Variants in ZNF407 observed in about 807,000 individuals in gnomAD.
The protein encoded by ZNF407 is zinc finger protein 407.
Under a neutral mutation model 131.2 loss-of-function variants are expected in ZNF407, and 17 were observed. The ratio of observed to expected loss-of-function variants is 0.13; its 90% confidence interval spans 0.09 to 0.19. The LOEUF is 0.19. Ranked by LOEUF, ZNF407 falls within the 10% of genes least tolerant of loss-of-function variation. The pLI is 1.00. For missense variants in ZNF407, 2,681 were observed against 2,830.6 expected (o/e 0.95, Z 1.20); for synonymous variants, 1,156 against 1,062.0 (o/e 1.09, Z -1.72).
chr18:74,627,723 T>G (rs866094070), intron 1 of ZNF407, among the ~76,000 whole-genome samples: 1 of 152,146 alleles, frequency 6.6e-6, no homozygotes, highest in Non-Finnish European at 1.5e-5. Context: ...GGAAAGAGCT[T>G]GTGTACCGAG....
chr18:74,840,538 C>T (rs905718736), intron 4 of ZNF407, among the ~76,000 whole-genome samples: 1 of 152,140 alleles, frequency 6.6e-6, no homozygotes, highest in African/African-American at 2.4e-5. Flanking sequence ...GCCTCTCTTA[C>T]AGATTTTATT....
intron 4 of ZNF407, among the ~76,000 whole-genome samples, chr18:74,808,305 C>T (rs894884136): frequency 2.2e-4 from 33 of 152,164 alleles, no homozygotes; most frequent in African/African-American, 6.8e-4. Context: ...TGAGCCACCA[C>T]GCCCGGCCAG....
chr18:74,987,409 G>A (rs1451477652), intron 8 of ZNF407, among the ~76,000 whole-genome samples: 2 of 152,166 alleles, frequency 1.3e-5, no homozygotes, highest in African/African-American at 2.4e-5. Context: ...GATTGTACGC[G>A]AGGAACGGTG....
intron 1 of ZNF407, among the ~76,000 whole-genome samples, chr18:74,611,339 T>G (rs1418940473): frequency 6.6e-6 from 1 of 152,124 alleles, no homozygotes; most frequent in Admixed American, 6.5e-5. Flanking sequence ...ATCAAGAAAG[T>G]GAACAGACAG....
intron 3 of ZNF407, among the ~76,000 whole-genome samples, chr18:74,666,085 C>A (rs116978414): frequency 0.015 from 2,221 of 152,240 alleles, 40 homozygotes; most frequent in Admixed American, 0.056. Context: ...TCCGAAGGTG[C>A]ATGGTGACGT....
chr18:74,884,878 G>A (rs965701384), intron 6 of ZNF407, among the ~76,000 whole-genome samples: 1 of 152,128 alleles, frequency 6.6e-6, no homozygotes, highest in Admixed American at 6.5e-5. Flanking sequence ...AGGCAGTGGA[G>A]TTCATGATGT....
chr18:74,671,656 C>T (rs1422931359), intron 3 of ZNF407, among the ~76,000 whole-genome samples: 1 of 152,170 alleles, frequency 6.6e-6, no homozygotes, highest in African/African-American at 2.4e-5. Flanking sequence ...AGGATAATAG[C>T]CTCCAGCTCC....
At chr18:74,906,352 C>T (rs1821462760) in intron 7 of ZNF407, among the ~76,000 whole-genome samples, 1 of 152,208 alleles carries the variant, frequency 6.6e-6, no homozygotes, top group African/African-American at 2.4e-5. Flanking sequence ...AGATTGACTC[C>T]TCCCTGTGTA....
chr18:75,040,327 G>T (rs138393931), intron 8 of ZNF407, among the ~76,000 whole-genome samples: 1 of 152,278 alleles, frequency 6.6e-6, no homozygotes, highest in Non-Finnish European at 1.5e-5. Flanking sequence ...ATAGGGAACA[G>T]TCATATAACG....
chr18:74,807,379 G>C (rs559288040), intron 4 of ZNF407, among the ~76,000 whole-genome samples: 8 of 152,012 alleles, frequency 5.3e-5, no homozygotes, highest in Admixed American at 1.3e-4. Flanking sequence ...AGGGTCCCGA[G>C]AGTCATGGAG....
intron 3 of ZNF407, among the ~76,000 whole-genome samples, chr18:74,642,405 A>G (rs899428148): frequency 1.3e-5 from 2 of 152,198 alleles, no homozygotes; most frequent in African/African-American, 4.8e-5. Context: ...TATGAGTTAT[A>G]GGAAAGGAGA....
intron 8 of ZNF407, among the ~76,000 whole-genome samples, chr18:74,988,765 G>A (rs2959162): frequency 6.6e-6 from 1 of 152,092 alleles, no homozygotes; most frequent in African/African-American, 2.4e-5. Context: ...TTAAAGCCAC[G>A]AGGAGATGCC....
chr18:74,950,603 T>A (rs1599259808), intron 8 of ZNF407, among the ~76,000 whole-genome samples: 2 of 152,350 alleles, frequency 1.3e-5, no homozygotes, highest in East Asian at 3.9e-4. Flanking sequence ...CCGTTACAGA[T>A]ACCTAAAAAT....
At chr18:74,839,388 C>T (rs1414028953) in intron 4 of ZNF407, among the ~76,000 whole-genome samples, 1 of 152,214 alleles carries the variant, frequency 6.6e-6, no homozygotes, top group African/African-American at 2.4e-5. Flanking sequence ...AGTCTGAAAT[C>T]TGATGAGCAG....
intron 3 of ZNF407, among the ~76,000 whole-genome samples, chr18:74,770,696 A>T (rs1969342396): frequency 6.6e-6 from 1 of 152,034 alleles, no homozygotes; most frequent in Non-Finnish European, 1.5e-5. Context: ...GAATAGCTTC[A>T]TTTGCTCCGG....
At chr18:74,786,116 G>A (rs1211082480) in intron 4 of ZNF407, among the ~76,000 whole-genome samples, 3 of 152,146 alleles carry the variant, frequency 2.0e-5, no homozygotes, top group African/African-American at 7.2e-5. Context: ...ACTGACCTCC[G>A]ACGTCACAGT....
chr18:74,763,196 C>CTTTTTTTTTTTTTTTTTTTTTT (rs71170316), intron 3 of ZNF407, among the ~76,000 whole-genome samples: 1 of 17,784 alleles, frequency 5.6e-5, no homozygotes, highest in Non-Finnish European at 1.2e-4. Context: ...TTCTTAGGAC[C>CTTTTTTTTTTTTTTTTTTTTTT]TTTTTTTTTT....
At chr18:74,735,684 T>C (rs190096482) in intron 3 of ZNF407, among the ~76,000 whole-genome samples, 34 of 152,364 alleles carry the variant, frequency 2.2e-4, no homozygotes, top group African/African-American at 8.2e-4. Context: ...CAATGTCATT[T>C]TAAGGATATG....
chr18:74,994,158 G>A (rs1972751258), intron 8 of ZNF407, among the ~76,000 whole-genome samples: 1 of 152,146 alleles, frequency 6.6e-6, no homozygotes, highest in African/African-American at 2.4e-5. Flanking sequence ...GGCTGTGTAA[G>A]AGAAGGTCCT....
Sources: allele counts gnomAD v4.1 joint callset (sites outside exome capture counted in the v4.1 genomes callset), GRCh38; gene constraint gnomAD v4.1.1; transcripts MANE v1.5; gene names NCBI Gene and HGNC (gene_info 2026-07-23, HGNC 2026-07-21).